LARGE1: variants seen among roughly 807,000 people sequenced by gnomAD.
LARGE1 encodes the protein LARGE xylosyl- and glucuronyltransferase 1.
Under a neutral mutation model 87.6 loss-of-function variants are expected in LARGE1, and 43 were observed. The observed-to-expected ratio is 0.49, with a 90% CI of 0.38 to 0.63. The LOEUF is 0.63. LARGE1 is among the 30% of genes least tolerant of loss of function. The probability of loss-of-function intolerance (pLI) is 0.00; values close to 1 mark genes in which losing one functional copy is unlikely to be tolerated. For synonymous variants in LARGE1, 434 were observed against 394.6 expected (o/e 1.10, Z -1.18); for missense variants, 802 against 1,000.2 (o/e 0.80, Z 2.67).
At chr22:33,669,366 T>A (rs968142180) in intron 2 of LARGE1, among the ~76,000 whole-genome samples, 3 of 152,218 alleles carry the variant, frequency 2.0e-5, no homozygotes, top group African/African-American at 7.2e-5. Flanking sequence ...TGGCCAACAT[T>A]CATGCACCAT....
chr22:33,137,864 C>T, the LARGE1 span, among the ~76,000 whole-genome samples: 5 of 152,196 alleles, frequency 3.3e-5, no homozygotes, highest in Non-Finnish European at 7.3e-5. Context: ...ATGGAAACCC[C>T]TGGATGCCCA....
rs1241487066 is a variant in LARGE1 at position 33,447,987 on chromosome 22, CACA to C, written c.788-15725_788-15723del. The stretch of plus-strand genomic sequence containing the variant: ...GGGAAAGATGCCAGACACAAAATGT[CACA>C]TATTGCATGACTAAGTCAGTATATA... On this transcript the variant is annotated intron_variant, in intron 6 of 14. Coordinates refer to ENST00000397394, the MANE Select transcript of LARGE1 (RefSeq NM_133642.5). Among the ~76,000 whole-genome samples, 4 of 152,102 alleles carry C rather than the reference CACA, an allele frequency of 2.6e-5. No homozygotes were observed. The South Asian group carries it at 8.3e-4, about 32-fold the overall frequency.
At chr22:33,259,271 T>A (rs16992014) in intron 11 of LARGE1, among the ~76,000 whole-genome samples, 1 of 151,668 alleles carries the variant, frequency 6.6e-6, no homozygotes, top group Non-Finnish European at 1.5e-5. Flanking sequence ...TAAGGACAAG[T>A]GAGAGAGAAG....
the LARGE1 span, among the ~76,000 whole-genome samples, chr22:33,086,666 C>A: frequency 6.6e-6 from 1 of 151,556 alleles, no homozygotes; most frequent in Non-Finnish European, 1.5e-5. Flanking sequence ...TATTCTCCTG[C>A]CGCAGCCTTC....
In LARGE1 at chr22:33,726,390, C is replaced by G. The variant is rs943651845; in HGVS notation, c.106+34981G>C. On this transcript the variant is annotated intron_variant, in intron 2 of 14. Transcript: ENST00000397394. ...CCTGAGAGCACACAGCTATAAAATT[C>G]CAGGAGGTGTAGAAGATCACTGACT... Among the ~76,000 whole-genome samples, 5 of 152,194 alleles carry G rather than the reference C, an allele frequency of 3.3e-5. No homozygotes were observed. The East Asian group carries it at 9.6e-4, about 29-fold the overall frequency.
chr22:33,338,213 C>A (rs942561035), intron 9 of LARGE1, among the ~76,000 whole-genome samples: 2 of 152,126 alleles, frequency 1.3e-5, no homozygotes, highest in Non-Finnish European at 2.9e-5. Context: ...CATGAAGGGT[C>A]TGGAAGGGGA....
chr22:33,867,352 C>G (rs1407088787), intron 1 of LARGE1, among the ~76,000 whole-genome samples: 1 of 152,208 alleles, frequency 6.6e-6, no homozygotes, highest in East Asian at 1.9e-4. Context: ...GGACTCTGCT[C>G]TGACTCATCC....
intron 4 of LARGE1, among the ~76,000 whole-genome samples, chr22:33,612,276 G>A (rs1018449412): frequency 1.3e-5 from 2 of 152,124 alleles, no homozygotes; most frequent in African/African-American, 4.8e-5. Context: ...GCTAATTTTT[G>A]TATTTTTAGT....
At chr22:33,904,741 AT>A (rs34286106) in intron 1 of LARGE1, among the ~76,000 whole-genome samples, 39,815 of 151,824 alleles carry the variant, frequency 0.26, 5,933 homozygotes, top group East Asian at 0.46. Context: ...GGTTTCTATA[AT>A]TTGTACCTGA....
At chr22:33,552,308 C>T (rs2077549112) in intron 6 of LARGE1, among the ~76,000 whole-genome samples, 1 of 152,096 alleles carries the variant, frequency 6.6e-6, no homozygotes, top group Non-Finnish European at 1.5e-5. Context: ...TGTTTTTGTA[C>T]CACAACTCTG....
chr22:33,672,160 AAAGCCTGTCCCAGAT>A lies in LARGE1; in HGVS notation c.107-21507_107-21493del, dbSNP rs1203278840. 5.3e-5 allele frequency among the ~76,000 whole-genome samples: 8 copies of A among 152,310 alleles called. No individual in the cohort carries two copies. The East Asian group carries it at 1.5e-3, about 29-fold the overall frequency. ...GAAGACCTACGAAGAGAGATGTTATAAAGCCTGTCCCAGATAAGCACAGAAGAGGAGACAGGTACC... is the reference window on the plus strand; with the variant it reads ...GAAGACCTACGAAGAGAGATGTTATAAAGCACAGAAGAGGAGACAGGTACC... On this transcript the variant is annotated intron_variant, in intron 2 of 14. Transcript: ENST00000397394.
chr22:33,473,442 CG>C (rs1322828736), intron 6 of LARGE1, among the ~76,000 whole-genome samples: 1 of 152,156 alleles, frequency 6.6e-6, no homozygotes, highest in African/African-American at 2.4e-5. Flanking sequence ...TTCTGCCTCC[CG>C]GGTTCAAGTG....
intron 11 of LARGE1, among the ~76,000 whole-genome samples, chr22:33,172,674 A>G (rs1378101796): frequency 2.6e-5 from 4 of 152,130 alleles, no homozygotes; most frequent in African/African-American, 9.6e-5. Context: ...ATCATGTGAT[A>G]AGATTATAGT....
intron 1 of LARGE1, among the ~76,000 whole-genome samples, chr22:33,883,558 A>C (rs2146775710): frequency 6.6e-6 from 1 of 152,314 alleles, no homozygotes. Context: ...TCCAATGCAC[A>C]CTGTGCCCAG....
intron 2 of LARGE1, among the ~76,000 whole-genome samples, chr22:33,654,325 G>A (rs948885995): frequency 6.6e-6 from 1 of 152,166 alleles, no homozygotes; most frequent in African/African-American, 2.4e-5. Flanking sequence ...CCATTATCTT[G>A]AGCCGGCCCC....
At chr22:33,409,384 AT>A (rs1477529048) in intron 7 of LARGE1, among the ~76,000 whole-genome samples, 1 of 152,094 alleles carries the variant, frequency 6.6e-6, no homozygotes, top group Non-Finnish European at 1.5e-5. Flanking sequence ...CCAGGCAACA[AT>A]AGGGATGTAA....
intron 2 of LARGE1, among the ~76,000 whole-genome samples, chr22:33,755,289 C>G (rs2084469896): frequency 1.3e-5 from 2 of 152,162 alleles, no homozygotes; most frequent in Non-Finnish European, 2.9e-5. Flanking sequence ...TTTCATGACA[C>G]TGGTTTTAAG....
intron 1 of LARGE1, among the ~76,000 whole-genome samples, chr22:33,787,961 A>G (rs58569757): frequency 0.026 from 3,978 of 152,292 alleles, 166 homozygotes; most frequent in African/African-American, 0.09. Context: ...GTGGCCAAAC[A>G]CTATAAAGGG....
chr22:33,257,020 A>G lies in LARGE1; in HGVS notation c.1730+47209T>C, dbSNP rs537063233. Among the ~76,000 whole-genome samples, 3 of 152,232 alleles carry G rather than the reference A, an allele frequency of 2.0e-5. No homozygotes were observed. In the South Asian group the frequency reaches 6.2e-4, roughly 32 times the overall value. On this transcript the variant is annotated intron_variant, in intron 11 of 11. Coordinates refer to the LARGE1 transcript ENST00000608642. ...TGGGAGTTCGAGACCAGCCTAACCAACATGGAGAAAACGCATCTCTACTAA... is the reference window on the plus strand; with the variant it reads ...TGGGAGTTCGAGACCAGCCTAACCAGCATGGAGAAAACGCATCTCTACTAA...
Sources: allele counts gnomAD v4.1 joint callset (sites outside exome capture counted in the v4.1 genomes callset), GRCh38; gene constraint gnomAD v4.1.1; transcripts MANE v1.5; gene names NCBI Gene and HGNC (gene_info 2026-07-23, HGNC 2026-07-21).